The following CSE1L variants were observed in gnomAD, a reference collection of about 807,000 sequenced individuals.
CSE1L encodes the protein chromosome segregation 1 like, also known as exportin-2.
CSE1L carries 24 observed loss-of-function variants against 120.4 expected under a neutral mutation model. The ratio of observed to expected loss-of-function variants is 0.20; its 90% CI spans 0.14 to 0.28. CSE1L has a LOEUF of 0.28. CSE1L is among the 10% of genes least tolerant of loss of function. The pLI is 1.00. For synonymous variants in CSE1L, 402 were observed against 398.3 expected (o/e 1.01, Z -0.11); for missense variants, 830 against 1,145.2 (o/e 0.72, Z 3.97).
At chr20:49,088,729 TA>T (rs2092078679) in intron 17 of CSE1L, among the ~76,000 whole-genome samples, 2 of 152,306 alleles carry the variant, frequency 1.3e-5, no homozygotes, top group East Asian at 3.9e-4. Flanking sequence ...TTGGACTACT[TA>T]GGGCCTTGAG....
Position 49,094,964 on chromosome 20 carries a change from G to T in CSE1L, c.2826+1G>T. 1 of 1,612,652 alleles carries T rather than the reference G, an allele frequency of 6.2e-7. No homozygotes were observed. The highest frequency in any genetic ancestry group is 8.5e-7 in the Non-Finnish European group (1 of 1,178,758). On this transcript the variant is annotated splice_donor_variant, in intron 24 of 24. Transcript: ENST00000262982. LOFTEE classifies it high-confidence loss of function. Reference sequence around the variant, plus strand: ...GTTGTCTACCGCCTGTCCAGGAAGGGTAAGTGTGTTGTCAAAGAACTCTGT... The same window carrying T: ...GTTGTCTACCGCCTGTCCAGGAAGGTTAAGTGTGTTGTCAAAGAACTCTGT...
At chr20:49,050,385 ATTTTTTT>A (rs1243770980) in intron 1 of CSE1L, among the ~76,000 whole-genome samples, 992 of 79,038 alleles carry the variant, frequency 0.013, 17 homozygotes, top group African/African-American at 0.052. Flanking sequence ...AGCCCAGCTA[ATTTTTTT>A]TTTTTTTTTT....
At chr20:49,071,407 T>C (rs551980412) in intron 8 of CSE1L, among the ~76,000 whole-genome samples, 69 of 152,358 alleles carry the variant, frequency 4.5e-4, no homozygotes, top group African/African-American at 1.6e-3. Flanking sequence ...TTTGCCCAGT[T>C]AACCATGTGC....
In CSE1L at chr20:49,096,424, G is replaced by A; in HGVS notation, c.2902G>A (p.Val968Met). The A allele has an allele frequency of 1.2e-6, 2 of 1,613,960 alleles. No individual in the cohort carries two copies. Among genetic ancestry groups the A allele is most frequent in the Non-Finnish European group, 1.7e-6 (2 of 1,179,814 alleles). ...CCAAGGGTACCTTCAGGCAGCCAGT[G>A]TGACACTGCTTTAAACTGCATTTTT... ...YLQGYLQAAS[V>M]TLL is the part of the protein sequence containing the mutation. Residue 968 changes from valine to methionine, a missense_variant, in exon 25 of 25, where the codon GTG becomes ATG. Coordinates refer to ENST00000262982, the MANE Select transcript of CSE1L (RefSeq NM_001316.4).
chr20:49,072,520 G>T (rs754770901), intron 9 of CSE1L, 48 bp from the exon 10 acceptor site: 1 of 1,604,446 alleles, frequency 6.2e-7, no homozygotes, highest in Non-Finnish European at 8.5e-7. Context: ...GAAATAAGCT[G>T]TTGAGTTTTG....
At chr20:49,057,909 G>C (rs1442527126) in intron 1 of CSE1L, among the ~76,000 whole-genome samples, 2 of 152,162 alleles carry the variant, frequency 1.3e-5, no homozygotes, top group Admixed American at 1.3e-4. Context: ...TGGGATTACA[G>C]GCATGAGCCA....
chr20:49,059,085 T>C (rs2091831096), intron 2 of CSE1L, among the ~76,000 whole-genome samples: 1 of 150,298 alleles, frequency 6.7e-6, no homozygotes, highest in Non-Finnish European at 1.5e-5. Context: ...GAGCCGAGAT[T>C]GCGCCACTGC....
chr20:49,056,630 T>G (rs2091809473), intron 1 of CSE1L, among the ~76,000 whole-genome samples: 2 of 152,118 alleles, frequency 1.3e-5, no homozygotes, highest in Admixed American at 1.3e-4. Context: ...TCCCAGGATT[T>G]GTGATCTGTT....
chr20:49,086,359 C>CTTTTTTTTTTTTTTTTTT (rs10648977), intron 16 of CSE1L, among the ~76,000 whole-genome samples: 1 of 77,644 alleles, frequency 1.3e-5, no homozygotes, highest in East Asian at 3.4e-4. Flanking sequence ...GTTTAATGTC[C>CTTTTTTTTTTTTTTTTTT]TTTTTTTTTT....
In CSE1L at chr20:49,085,380, A is replaced by G; in HGVS notation, c.1717A>G (p.Met573Val). The change falls in exon 16 of 25, where the codon ATG becomes GTG. Residue 573 changes from methionine to valine, a missense_variant. Met to Val is a conservative substitution (Grantham distance 21). Coordinates refer to ENST00000262982, the MANE Select transcript of CSE1L (RefSeq NM_001316.4). The part of the protein sequence containing the change: ...LPGSSENEYI[M>V]KAIMRSFSLL... Reference sequence around the variant, plus strand: ...TGGCTCTTCAGAAAATGAATATATTATGAAAGGTAGGCTGTTTCCCTGGTG... The same window carrying G: ...TGGCTCTTCAGAAAATGAATATATTGTGAAAGGTAGGCTGTTTCCCTGGTG... The G allele has an allele frequency of 1.9e-6, 3 of 1,612,002 alleles. No homozygotes were observed. Among genetic ancestry groups the G allele is most frequent in the South Asian group, 2.2e-5 (2 of 91,034 alleles).
intron 14 of CSE1L, among the ~76,000 whole-genome samples, chr20:49,079,808 G>A (rs1222316940): frequency 6.6e-6 from 1 of 152,088 alleles, no homozygotes; most frequent in African/African-American, 2.4e-5. Context: ...AGCCAGGCAT[G>A]GTGGCTTGTG....
intron 1 of CSE1L, among the ~76,000 whole-genome samples, chr20:49,051,108 A>T (rs1260640661): frequency 6.6e-6 from 1 of 152,248 alleles, no homozygotes; most frequent in Non-Finnish European, 1.5e-5. Context: ...AGAGAAGCAC[A>T]GTAAATGACA....
chr20:49,054,482 A>AAGAGGG (rs2091791440), intron 1 of CSE1L, among the ~76,000 whole-genome samples: 1 of 152,184 alleles, frequency 6.6e-6, no homozygotes, highest in Non-Finnish European at 1.5e-5. Flanking sequence ...GCCTTGGGTA[A>AAGAGGG]TAGAAAGAGG....
At chr20:49,087,711 T>G (rs1394207325) in intron 16 of CSE1L, among the ~76,000 whole-genome samples, 1 of 152,206 alleles carries the variant, frequency 6.6e-6, no homozygotes, top group Non-Finnish European at 1.5e-5. Context: ...CAGACTCACC[T>G]GCTCCATTCA....
chr20:49,073,926 ATCT>A (rs1330028484), intron 10 of CSE1L, among the ~76,000 whole-genome samples: 1 of 152,088 alleles, frequency 6.6e-6, no homozygotes, highest in African/African-American at 2.4e-5. Flanking sequence ...TAAAGGATAA[ATCT>A]TCTGGCTGGG....
At chr20:49,053,347 C>CT (rs11419181) in intron 1 of CSE1L, among the ~76,000 whole-genome samples, 2,597 of 63,780 alleles carry the variant, frequency 0.041, 404 homozygotes, top group East Asian at 0.19. Context: ...AGCAAACTAA[C>CT]TTTTTTTTTT....
intron 21 of CSE1L, 45 bp downstream of exon 21, chr20:49,091,067 G>A: frequency 7.8e-7 from 1 of 1,282,458 alleles, no homozygotes; most frequent in Non-Finnish European, 1.1e-6. Flanking sequence ...ATGAAAGAAG[G>A]TAGCTAAAAC....
intron 3 of CSE1L, among the ~76,000 whole-genome samples, chr20:49,065,488 A>G (rs920632647): frequency 6.7e-6 from 1 of 150,152 alleles, no homozygotes; most frequent in African/African-American, 2.4e-5. Flanking sequence ...ATGTTCAGCT[A>G]ATTTTGTATT....
chr20:49,047,392 C>T (rs537319942), intron 1 of CSE1L, among the ~76,000 whole-genome samples: 46 of 152,038 alleles, frequency 3.0e-4, no homozygotes, highest in African/African-American at 1.1e-3. Context: ...CTTTCTGTTT[C>T]TTCCATATTC....
Sources: gnomAD v4.1 joint callset for allele counts (sites outside exome capture counted in the v4.1 genomes callset) on GRCh38, gnomAD v4.1.1 for gene constraint, MANE v1.5 for transcripts, NCBI Gene and HGNC (gene_info 2026-07-23, HGNC 2026-07-21) for gene names.